TRIML2: variants seen among roughly 807,000 people sequenced by gnomAD.
TRIML2 encodes tripartite motif family like 2.
Under a neutral mutation model 31.2 loss-of-function variants are expected in TRIML2, and 28 were observed. The observed-to-expected ratio is 0.90, with a 90% confidence interval of 0.66 to 1.23. The LOEUF is 1.23. Ranked by LOEUF, TRIML2 falls within the 50% of genes most tolerant of loss-of-function variation. The pLI is 0.00. For synonymous variants in TRIML2, 187 were observed against 197.5 expected (o/e 0.95, Z 0.45); for missense variants, 536 against 528.3 (o/e 1.01, Z -0.14).
At chr4:188,099,864 T>G (rs1361788421) in intron 4 of TRIML2, among the ~76,000 whole-genome samples, 2 of 152,210 alleles carry the variant, frequency 1.3e-5, no homozygotes, top group Non-Finnish European at 2.9e-5. Flanking sequence ...TTAAGGTATA[T>G]AGATTAACTA....
intron 6 of TRIML2, 65 bp downstream of exon 6, chr4:188,097,259 C>G: frequency 6.2e-7 from 1 of 1,601,514 alleles, no homozygotes; most frequent in Non-Finnish European, 8.6e-7. Context: ...TGCAATCTCC[C>G]TATCTCAATC....
In TRIML2 at chr4:188,103,221, C is replaced by T. The variant is rs1249527203; in HGVS notation, c.285+1616G>A. On this transcript the variant is annotated intron_variant, in intron 3 of 7. Transcript: ENST00000682553. Reference sequence around the variant, plus strand: ...TTCACCGTGTTAGCCAGGATGGTCTCGATCTCCTGACCTCGTGATCCGCCC... The same window carrying T: ...TTCACCGTGTTAGCCAGGATGGTCTTGATCTCCTGACCTCGTGATCCGCCC... Among the ~76,000 whole-genome samples, 5 of 151,916 alleles carry T rather than the reference C, an allele frequency of 3.3e-5. 1 individual carries two copies. Among genetic ancestry groups the T allele is most frequent in the Non-Finnish European group, 7.4e-5 (5 of 67,982 alleles).
intron 3 of TRIML2, 76 bp from the exon 4 acceptor site, chr4:188,101,326 G>T: frequency 2.7e-5 from 21 of 776,384 alleles, no homozygotes; most frequent in Non-Finnish European, 4.2e-5. Flanking sequence ...ATAATAGATA[G>T]ATATCTATAT....
chr4:188,104,561 C>T (rs1324155619), intron 3 of TRIML2, among the ~76,000 whole-genome samples: 1 of 151,990 alleles, frequency 6.6e-6, no homozygotes, highest in African/African-American at 2.4e-5. Context: ...TGGGGTTTCA[C>T]CATGTTGGCC....
At chr4:188,094,961 T>C (rs998295920) in intron 7 of TRIML2, among the ~76,000 whole-genome samples, 3 of 152,118 alleles carry the variant, frequency 2.0e-5, no homozygotes, top group South Asian at 2.1e-4. Flanking sequence ...GAGTCACAAA[T>C]AGACGTGATC....
chr4:188,091,428 T>C lies in TRIML2; in HGVS notation c.1259A>G (p.Asp420Gly), dbSNP rs1300935855. Residue 420 changes from aspartate (D) to glycine (G), a missense_variant, in exon 8 of 8, where the codon GAC becomes GGC. Physicochemically the swap from Asp to Gly is moderately conservative, Grantham distance 94 (BLOSUM62 -1). Coordinates refer to ENST00000682553, the MANE Select transcript of TRIML2 (RefSeq NM_173553.4). ...LCIPNGDTSP[D>G]SLTILQHGPS... ...ACCATGTTGTAAGATGGTGAGGGAG[T>C]CTGGACTTGTGTCTCCATTTGGGAT... The C allele has an allele frequency of 2.5e-6, 4 of 1,613,934 alleles. No individual in the cohort carries two copies. The highest frequency in any genetic ancestry group is 3.4e-6 in the Non-Finnish European group (4 of 1,180,004).
intron 7 of TRIML2, among the ~76,000 whole-genome samples, chr4:188,096,528 CAAAAAAAAAAAAAAA>C (rs10607852): frequency 3.8e-4 from 15 of 39,262 alleles, no homozygotes; most frequent in Non-Finnish European, 7.3e-4. Context: ...AACTCTGTCT[CAAAAAAAAAAAAAAA>C]AAAAAAAAAA....
In TRIML2 at chr4:188,105,301, A is replaced by C. The variant is rs758373008; in HGVS notation, c.68T>G (p.Leu23Arg). The change falls in exon 2 of 8, where the codon CTG becomes CGG. Residue 23 changes from leucine (L) to arginine (R), a missense_variant. Physicochemically the swap from Leu to Arg is moderately radical, Grantham distance 102. Transcript: ENST00000682553. ...ATCACAGAACAGCCGTGTTGGTTCC[A>C]GGTGTGTTTCACAATAGGCATCTTC... is the stretch of plus-strand genomic sequence containing the variant. ...ITEDAYCETH[L>R]EPTRLFCDVD... 4 of 1,610,880 alleles carry C rather than the reference A, an allele frequency of 2.5e-6. No individual in the cohort carries two copies. The South Asian group carries it at 4.4e-5, about 18-fold the overall frequency.
intron 3 of TRIML2, among the ~76,000 whole-genome samples, chr4:188,104,144 TCTC>T (rs1733923516): frequency 6.6e-6 from 1 of 152,160 alleles, no homozygotes; most frequent in South Asian, 2.1e-4. Context: ...AGATGCTCAT[TCTC>T]CTATGTCATT....
chr4:188,097,911 C>T lies in TRIML2; in HGVS notation c.622-565G>A, dbSNP rs143971447. On this transcript the variant is annotated intron_variant, in intron 5 of 7. Coordinates refer to ENST00000682553, the MANE Select transcript of TRIML2 (RefSeq NM_173553.4). Reference sequence around the variant, plus strand: ...CCAAGGTGGGCGTATAACCTGAGGTCGGGAGTTTAAGACCAGACTGACCAA... The same window carrying T: ...CCAAGGTGGGCGTATAACCTGAGGTTGGGAGTTTAAGACCAGACTGACCAA... 4.4e-3 allele frequency among the ~76,000 whole-genome samples: 666 copies of T among 152,160 alleles called. 3 individuals carry two copies. The highest frequency in any genetic ancestry group is 0.015 in the African/African-American group (638 of 41,530).
chr4:188,105,254 T>C lies in TRIML2; in HGVS notation c.115A>G (p.Ser39Gly). 1 of 1,612,688 alleles carries C rather than the reference T, an allele frequency of 6.2e-7. No individual in the cohort carries two copies. The highest frequency in any genetic ancestry group is 8.5e-7 in the Non-Finnish European group (1 of 1,178,762). Residue 39 changes from serine to glycine, a missense_variant, in exon 2 of 8, where the codon AGC becomes GGC. Transcript: ENST00000682553. ...FCDVDQITLCSKCFQSQEHKH... is the reference protein window; with the variant it reads ...FCDVDQITLCGKCFQSQEHKH... The stretch of plus-strand genomic sequence containing the variant: ...TGCTCCTGGGACTGGAAGCATTTGC[T>C]GCAGAGTGTGATTTGGTCAACATCA...
At chr4:188,096,994 G>T in intron 7 of TRIML2, 67 bp downstream of exon 7, 2 of 1,179,836 alleles carry the variant, frequency 1.7e-6, no homozygotes, top group Non-Finnish European at 2.5e-6. Context: ...TTCATTTATG[G>T]CAGGATGGTC....
chr4:188,102,913 A>G (rs1733860705), intron 3 of TRIML2, among the ~76,000 whole-genome samples: 1 of 148,448 alleles, frequency 6.7e-6, no homozygotes, highest in Admixed American at 6.8e-5. Flanking sequence ...ACTTCTCACC[A>G]CTGCTCTACC....
intron 7 of TRIML2, among the ~76,000 whole-genome samples, chr4:188,095,511 GC>G (rs1197376313): frequency 6.6e-6 from 1 of 152,170 alleles, no homozygotes; most frequent in Non-Finnish European, 1.5e-5. Flanking sequence ...ATGAAAATAT[GC>G]TCAGCATCAT....
At chr4:188,101,913 G>T (rs537884972) in intron 3 of TRIML2, among the ~76,000 whole-genome samples, 1 of 151,940 alleles carries the variant, frequency 6.6e-6, no homozygotes, top group Non-Finnish European at 1.5e-5. Flanking sequence ...GGCGGATCAC[G>T]AGGTCAGGAG....
rs372135838 is a variant in TRIML2, at chr4:188,091,720, C to T, written c.967G>A (p.Gly323Ser). 86 of 1,614,056 alleles carry T rather than the reference C, an allele frequency of 5.3e-5. No homozygotes were observed. Among genetic ancestry groups the T allele is most frequent in the Non-Finnish European group, 6.7e-5 (79 of 1,179,956 alleles). The change falls in exon 8 of 8, where the codon GGC becomes AGC. Residue 323 changes from glycine to serine, a missense_variant. Gly to Ser is a moderately conservative substitution (Grantham distance 56, BLOSUM62 0). Transcript: ENST00000682553. ...ATRWQVGIYH[G>S]SADAKGSTAR... is the part of the protein sequence containing the mutation. ...GTGCTGCCCTTCGCGTCTGCAGAGC[C>T]GTGGTATATGCCCACTTGCCACCTG...
At chr4:188,092,020 GCTTC>G in intron 7 of TRIML2, 79 bp from the exon 8 acceptor site, 1 of 1,441,878 alleles carries the variant, frequency 6.9e-7, no homozygotes, top group Non-Finnish European at 9.4e-7. Context: ...ACACACCTGG[GCTTC>G]CCACTGAGTG....
chr4:188,097,273 A>G (rs773356641), intron 6 of TRIML2, 51 bp downstream of exon 6: 2 of 1,607,540 alleles, frequency 1.2e-6, no homozygotes, highest in Non-Finnish European at 1.7e-6. Context: ...CTCAATCAAC[A>G]TCTTACTGGA....
chr4:188,098,107 G>C (rs959709457), intron 5 of TRIML2: 1 of 276,654 alleles, frequency 3.6e-6, no homozygotes, highest in Non-Finnish European at 7.3e-6. Flanking sequence ...GAGATAGAGC[G>C]AGACTCCGTC....
Sources: allele counts gnomAD v4.1 joint callset (sites outside exome capture counted in the v4.1 genomes callset), GRCh38; gene constraint gnomAD v4.1.1; transcripts MANE v1.5; gene names NCBI Gene and HGNC (gene_info 2026-07-23, HGNC 2026-07-21).